The following ZMAT4 variants were observed in gnomAD, a reference collection of about 807,000 sequenced individuals.
The protein encoded by ZMAT4 is zinc finger matrin-type protein 4.
Under a neutral mutation model 28.7 loss-of-function variants are expected in ZMAT4, and 17 were observed. That is an observed-to-expected ratio of 0.59 (90% CI 0.41 to 0.89). The LOEUF (loss-of-function observed/expected upper bound fraction) is 0.89. Ranked by LOEUF, ZMAT4 falls within the 40% of genes least tolerant of loss-of-function variation. The pLI is 0.00. For synonymous variants in ZMAT4, 117 were observed against 109.2 expected, an observed-to-expected ratio of 1.07 and a Z score of -0.44; for missense variants, 240 against 283.8, an observed-to-expected ratio of 0.85 and a Z score of 1.11.
At chr8:40,862,770 A>G (rs1189650196) in intron 1 of ZMAT4, among the ~76,000 whole-genome samples, 3 of 151,396 alleles carry the variant, frequency 2.0e-5, no homozygotes, top group Non-Finnish European at 4.4e-5. Context: ...GAATTGAACA[A>G]TGAGAACACT....
intron 5 of ZMAT4, among the ~76,000 whole-genome samples, chr8:40,620,394 A>G (rs184633798): frequency 4.6e-5 from 7 of 152,356 alleles, no homozygotes; most frequent in Admixed American, 3.3e-4. Context: ...AGGCCACAGG[A>G]TAAGGACACA....
chr8:40,746,024 C>T (rs1219046990), intron 3 of ZMAT4, among the ~76,000 whole-genome samples: 3 of 152,168 alleles, frequency 2.0e-5, no homozygotes, highest in East Asian at 3.9e-4. Flanking sequence ...GGTGGTCTCA[C>T]CATCTTCGCA....
At chr8:40,650,267 A>G (rs538147538) in intron 5 of ZMAT4, among the ~76,000 whole-genome samples, 1 of 152,242 alleles carries the variant, frequency 6.6e-6, no homozygotes, top group South Asian at 2.1e-4. Flanking sequence ...CCACAGAAAT[A>G]CAAACTACCA....
At chr8:40,704,692 T>G (rs1810280281) in intron 3 of ZMAT4, among the ~76,000 whole-genome samples, 1 of 152,230 alleles carries the variant, frequency 6.6e-6, no homozygotes, top group South Asian at 2.1e-4. Flanking sequence ...AAACATGAAC[T>G]AAATAGTTGA....
chr8:40,562,221 T>G (rs777098940), intron 6 of ZMAT4, among the ~76,000 whole-genome samples: 7 of 152,174 alleles, frequency 4.6e-5, no homozygotes, highest in African/African-American at 9.6e-5. Context: ...AAAAGCACTG[T>G]GTCTAAAACT....
At chr8:40,859,511 T>C (rs1817416223) in intron 1 of ZMAT4, among the ~76,000 whole-genome samples, 1 of 152,018 alleles carries the variant, frequency 6.6e-6, no homozygotes, top group South Asian at 2.1e-4. Flanking sequence ...TCTGAGTTAA[T>C]TATCGGACAA....
At chr8:40,619,131 C>T (rs1437851817) in intron 5 of ZMAT4, among the ~76,000 whole-genome samples, 1 of 152,186 alleles carries the variant, frequency 6.6e-6, no homozygotes, top group African/African-American at 2.4e-5. Flanking sequence ...TTCCCTGATG[C>T]TTTCAGCTGG....
chr8:40,750,740 A>G (rs1397915680), intron 3 of ZMAT4, among the ~76,000 whole-genome samples: 2 of 152,254 alleles, frequency 1.3e-5, no homozygotes, highest in African/African-American at 4.8e-5. Flanking sequence ...TGAAGAACCC[A>G]GCTGCCACAC....
chr8:40,623,886 A>T (rs1035012869), intron 5 of ZMAT4, among the ~76,000 whole-genome samples: 1 of 152,206 alleles, frequency 6.6e-6, no homozygotes, highest in African/African-American at 2.4e-5. Context: ...ACTTTCTGTG[A>T]CTAGTGGCCC....
intron 3 of ZMAT4, among the ~76,000 whole-genome samples, chr8:40,754,446 C>A (rs1461995536): frequency 6.6e-6 from 1 of 152,144 alleles, no homozygotes; most frequent in East Asian, 1.9e-4. Flanking sequence ...GTTTCAGAAG[C>A]AGAGTCCCAA....
rs542398219 is a variant in ZMAT4 at position 40,539,001 on chromosome 8, G to A, written c.675-6763C>T. 5.3e-5 allele frequency among the ~76,000 whole-genome samples: 8 copies of A among 152,166 alleles called. No homozygotes were observed. In the Middle Eastern group the frequency reaches 0.017, roughly 323 times the overall value. ...GGGGTTCACCATGTTAGCCAGGCTG[G>A]TCTTGATCTCCTGACCTCGTGATCC... On this transcript the variant is annotated intron_variant, in intron 6 of 6. Transcript: ENST00000297737.
At chr8:40,828,787 C>T (rs541351515) in intron 1 of ZMAT4, among the ~76,000 whole-genome samples, 32 of 152,094 alleles carry the variant, frequency 2.1e-4, no homozygotes, top group African/African-American at 4.6e-4. Context: ...AAAAAGAGAG[C>T]GCAGTCCATG....
chr8:40,887,792 C>CCATGTTATTGCATGTTATTGCAATAA (rs1818516675), intron 1 of ZMAT4, among the ~76,000 whole-genome samples: 1 of 152,180 alleles, frequency 6.6e-6, no homozygotes, highest in African/African-American at 2.4e-5. Context: ...CCTCTCACAG[C>CCATGTTATTGCATGTTATTGCAATAA]CATGTTATTG....
rs185149088 is a variant in ZMAT4 at position 40,803,714 on chromosome 8, A to G, written c.102+21861T>C. The stretch of plus-strand genomic sequence containing the variant: ...CATACTCCTTCCATATAATCCAGAA[A>G]TCACACTCGTTGGTATATAGCCAAA... On this transcript the variant is annotated intron_variant, in intron 2 of 6. Coordinates refer to ENST00000297737, the MANE Select transcript of ZMAT4 (RefSeq NM_024645.3). Among the ~76,000 whole-genome samples the G allele has an allele frequency of 4.4e-4, 67 of 152,244 alleles. 1 individual carries two copies. Among genetic ancestry groups the G allele is most frequent in the South Asian group, 8.3e-4 (4 of 4,828 alleles).
At chr8:40,558,182 G>A (rs750742658) in intron 6 of ZMAT4, among the ~76,000 whole-genome samples, 8 of 152,154 alleles carry the variant, frequency 5.3e-5, no homozygotes, top group Non-Finnish European at 1.0e-4. Context: ...CAGGGAGGTA[G>A]GTTGATATTG....
intron 6 of ZMAT4, among the ~76,000 whole-genome samples, chr8:40,559,435 A>T (rs182036473): frequency 3.3e-5 from 5 of 152,166 alleles, no homozygotes; most frequent in African/African-American, 1.2e-4. Context: ...TCCTCCTAAC[A>T]TAACCTAACC....
intron 4 of ZMAT4, among the ~76,000 whole-genome samples, chr8:40,684,032 C>T (rs1809289582): frequency 6.6e-6 from 1 of 151,336 alleles, no homozygotes; most frequent in African/African-American, 2.4e-5. Context: ...TGTGCCACTG[C>T]ATTCTAGCCT....
intron 1 of ZMAT4, among the ~76,000 whole-genome samples, chr8:40,863,723 G>A (rs1409950423): frequency 1.3e-5 from 2 of 151,948 alleles, no homozygotes; most frequent in Admixed American, 1.3e-4. Flanking sequence ...ATTGATGAGG[G>A]GAATACACAA....
intron 1 of ZMAT4, among the ~76,000 whole-genome samples, chr8:40,894,200 G>A (rs1156433469): frequency 1.3e-5 from 2 of 152,236 alleles, no homozygotes; most frequent in Non-Finnish European, 2.9e-5. Context: ...AGACAGGACT[G>A]TGCTTCGAAG....
Sources: gnomAD v4.1 joint callset for allele counts (sites outside exome capture counted in the v4.1 genomes callset) on GRCh38, gnomAD v4.1.1 for gene constraint, MANE v1.5 for transcripts, NCBI Gene and HGNC (gene_info 2026-07-23, HGNC 2026-07-21) for gene names.